Variants in NEGR1 observed in about 807,000 individuals in gnomAD.
NEGR1 encodes the protein neuronal growth regulator 1, also known as IgLON family member 4.
A neutral mutation model predicts 40.9 loss-of-function variants in NEGR1; 10 were observed. The ratio of observed to expected loss-of-function variants is 0.24; its 90% CI spans 0.15 to 0.42. The LOEUF is 0.42. Ranked by LOEUF, NEGR1 falls within the 10% of genes least tolerant of loss-of-function variation. The pLI is 1.00. For synonymous variants in NEGR1, 185 were observed against 166.8 expected, an observed-to-expected ratio of 1.11 and a Z score of -0.84; for missense variants, 352 against 438.9, an observed-to-expected ratio of 0.80 and a Z score of 1.77.
At chr1:72,241,339 T>A (rs1654736717) in intron 1 of NEGR1, among the ~76,000 whole-genome samples, 1 of 148,098 alleles carries the variant, frequency 6.8e-6, no homozygotes. Context: ...TCCAGATTTG[T>A]GGATACCTGA....
chr1:71,851,981 G>A (rs952608629), intron 2 of NEGR1, among the ~76,000 whole-genome samples: 3 of 152,042 alleles, frequency 2.0e-5, no homozygotes, highest in Non-Finnish European at 4.4e-5. Context: ...TGTGTATTCA[G>A]GAAATAGCAT....
intron 2 of NEGR1, among the ~76,000 whole-genome samples, chr1:71,864,717 A>G (rs1226859021): frequency 6.6e-6 from 1 of 152,200 alleles, no homozygotes; most frequent in Non-Finnish European, 1.5e-5. Context: ...AACAATAAAT[A>G]GAAAAATCCT....
chr1:72,063,157 T>A (rs963993866), intron 1 of NEGR1, among the ~76,000 whole-genome samples: 1 of 151,996 alleles, frequency 6.6e-6, no homozygotes, highest in Non-Finnish European at 1.5e-5. Flanking sequence ...TAAGATCAAT[T>A]TATATATTTT....
intron 6 of NEGR1, among the ~76,000 whole-genome samples, chr1:71,563,191 GA>G (rs1225870873): frequency 6.6e-6 from 1 of 151,962 alleles, no homozygotes; most frequent in Non-Finnish European, 1.5e-5. Flanking sequence ...AGAGAGGACT[GA>G]CTACCTTTTA....
chr1:71,639,279 G>A (rs1041373090), intron 4 of NEGR1, among the ~76,000 whole-genome samples: 1 of 150,886 alleles, frequency 6.6e-6, no homozygotes, highest in African/African-American at 2.4e-5. Flanking sequence ...TTGTCAACTA[G>A]GTGAGTTTGT....
At chr1:72,031,344 G>A (rs1488963081) in intron 1 of NEGR1, among the ~76,000 whole-genome samples, 1 of 152,158 alleles carries the variant, frequency 6.6e-6, no homozygotes, top group African/African-American at 2.4e-5. Flanking sequence ...CAAGCAGGCA[G>A]GACTCCTCTA....
chr1:71,597,578 C>T (rs568385917), intron 5 of NEGR1, among the ~76,000 whole-genome samples: 1 of 149,842 alleles, frequency 6.7e-6, no homozygotes, highest in East Asian at 2.0e-4. Context: ...GACATTTTAT[C>T]TGTTCTCAAT....
chr1:71,959,905 C>T lies in NEGR1; in HGVS notation c.177-24594G>A, dbSNP rs375385494. Among the ~76,000 whole-genome samples, 18 of 152,098 alleles carry T rather than the reference C, an allele frequency of 1.2e-4. No individual in the cohort carries two copies. In the East Asian group the frequency reaches 1.5e-3, roughly 13 times the overall value. On this transcript the variant is annotated intron_variant, in intron 1 of 6. Transcript: ENST00000357731. ...TGTTAAATAAATAAGAAGACAGAAA[C>T]GGCATTATCAAGAGAGAAATATTCA...
intron 5 of NEGR1, among the ~76,000 whole-genome samples, chr1:71,607,966 C>T (rs964813903): frequency 1.3e-5 from 2 of 152,116 alleles, no homozygotes; most frequent in African/African-American, 4.8e-5. Flanking sequence ...GGATTACAGG[C>T]GTGAGCCACT....
intron 3 of NEGR1, among the ~76,000 whole-genome samples, chr1:71,755,773 C>T (rs1557640248): frequency 6.6e-6 from 1 of 152,104 alleles, no homozygotes; most frequent in Non-Finnish European, 1.5e-5. Context: ...TATTATGTCT[C>T]TTCTGGCAAG....
At chr1:71,616,597 T>A (rs1412013881) in intron 4 of NEGR1, among the ~76,000 whole-genome samples, 1 of 152,190 alleles carries the variant, frequency 6.6e-6, no homozygotes, top group African/African-American at 2.4e-5. Context: ...TAGTGGCAAA[T>A]AAGTTGAGGT....
chr1:71,862,392 C>T (rs1437187490), intron 2 of NEGR1, among the ~76,000 whole-genome samples: 1 of 152,048 alleles, frequency 6.6e-6, no homozygotes, highest in Admixed American at 6.6e-5. Context: ...TTTTCAAAAA[C>T]ATCATAAGAT....
intron 1 of NEGR1, among the ~76,000 whole-genome samples, chr1:72,179,529 C>T (rs1421093495): frequency 4.5e-4 from 68 of 152,092 alleles, no homozygotes; most frequent in Middle Eastern, 6.8e-3. Flanking sequence ...CTGTATGTGT[C>T]CAGTAAGTAT....
chr1:71,628,776 G>A (rs757742374), intron 4 of NEGR1, among the ~76,000 whole-genome samples: 3 of 151,130 alleles, frequency 2.0e-5, no homozygotes, highest in Non-Finnish European at 4.4e-5. Flanking sequence ...AGTATTCTAT[G>A]GTGTATATAT....
At chr1:72,197,293 G>T (rs893986784) in intron 1 of NEGR1, among the ~76,000 whole-genome samples, 3 of 151,932 alleles carry the variant, frequency 2.0e-5, no homozygotes, top group Admixed American at 2.0e-4. Flanking sequence ...CTGCTTAGAT[G>T]CCTCTCATTT....
chr1:71,777,820 G>A (rs779037701), intron 2 of NEGR1, among the ~76,000 whole-genome samples: 10 of 151,964 alleles, frequency 6.6e-5, no homozygotes, highest in Non-Finnish European at 1.5e-4. Flanking sequence ...ATATGATTGA[G>A]GAGAAGGCTT....
chr1:71,981,279 A>C (rs1426647718), intron 1 of NEGR1, among the ~76,000 whole-genome samples: 3 of 152,062 alleles, frequency 2.0e-5, no homozygotes, highest in Non-Finnish European at 4.4e-5. Flanking sequence ...GCCTAAGGAA[A>C]ATTTTGATTA....
At chr1:71,613,231 C>T (rs1005405225) in intron 4 of NEGR1, among the ~76,000 whole-genome samples, 1 of 152,030 alleles carries the variant, frequency 6.6e-6, no homozygotes, top group East Asian at 1.9e-4. Context: ...GAAATTGGAG[C>T]TGATAAGATT....
rs186752840 is a variant in NEGR1, at chr1:72,275,657, T to C, written c.176+6662A>G. ...AGAGTCATTTAACGACAGTCTTAAA[T>C]TATCATTTCTCCTGAATAATTACAG... On this transcript the variant is annotated intron_variant, in intron 1 of 6. Coordinates refer to ENST00000357731, the MANE Select transcript of NEGR1 (RefSeq NM_173808.3). Among the ~76,000 whole-genome samples the C allele has an allele frequency of 9.8e-4, 149 of 152,246 alleles. 1 individual carries two copies. Among genetic ancestry groups the C allele is most frequent in the African/African-American group, 3.4e-3 (142 of 41,554 alleles).
Sources: allele counts gnomAD v4.1 joint callset (sites outside exome capture counted in the v4.1 genomes callset), GRCh38; gene constraint gnomAD v4.1.1; transcripts MANE v1.5; gene names NCBI Gene and HGNC (gene_info 2026-07-23, HGNC 2026-07-21).